KDM4C: variants seen among roughly 807,000 people sequenced by gnomAD.
KDM4C encodes lysine-specific demethylase 4C.
In KDM4C, 81 loss-of-function variants were observed where a neutral mutation model predicts 129.3. That is an observed-to-expected ratio of 0.63 (90% CI 0.52 to 0.75). The LOEUF is 0.75. Among genes scored for constraint, KDM4C ranks in the 30% least tolerant of loss-of-function variants. The pLI is 0.00. For synonymous variants in KDM4C, 573 were observed against 456.1 expected (o/e 1.26, Z -3.26); for missense variants, 1,457 against 1,304.0 (o/e 1.12, Z -1.81).
At chr9:6,895,651 G>A (rs1221841709) in intron 8 of KDM4C, among the ~76,000 whole-genome samples, 1 of 152,136 alleles carries the variant, frequency 6.6e-6, no homozygotes, top group African/African-American at 2.4e-5. Flanking sequence ...CCTATAACTA[G>A]CACTTTGGGA....
intron 18 of KDM4C, chr9:7,105,369 ACATGGTATCC>A: frequency 2.2e-6 from 1 of 456,646 alleles, no homozygotes; most frequent in South Asian, 1.6e-5. Flanking sequence ...CATCTATAAA[ACATGGTATCC>A]CACCTCACCA....
intron 19 of KDM4C, among the ~76,000 whole-genome samples, chr9:7,138,629 A>C (rs1841446200): frequency 6.6e-6 from 1 of 152,096 alleles, no homozygotes. Flanking sequence ...AGCCTGGGCA[A>C]CATAGAAAGA....
intron 8 of KDM4C, among the ~76,000 whole-genome samples, chr9:6,962,689 C>A (rs1830230598): frequency 2.6e-5 from 4 of 152,128 alleles, no homozygotes; most frequent in Admixed American, 2.0e-4. Flanking sequence ...ATGACTGTCA[C>A]AACCCTGACT....
chr9:6,984,496 A>C, intron 10 of KDM4C, 92 bp downstream of exon 10: 1 of 797,704 alleles, frequency 1.3e-6, no homozygotes, highest in South Asian at 1.6e-5. Context: ...CAAGTATCTG[A>C]CTAGTCCACA....
chr9:6,847,596 T>C (rs1477931063), intron 4 of KDM4C, among the ~76,000 whole-genome samples: 1 of 152,150 alleles, frequency 6.6e-6, no homozygotes, highest in African/African-American at 2.4e-5. Flanking sequence ...TTCACCGTGT[T>C]AGCCAGGATG....
chr9:6,924,778 A>G (rs1822174280), intron 8 of KDM4C: 1 of 982,538 alleles, frequency 1.0e-6, no homozygotes, highest in Non-Finnish European at 1.2e-6. Context: ...GTTTAAAGTT[A>G]TTTTCCCTGT....
chr9:6,966,123 A>C (rs1443533671), intron 8 of KDM4C, among the ~76,000 whole-genome samples: 1 of 152,232 alleles, frequency 6.6e-6, no homozygotes, highest in Non-Finnish European at 1.5e-5. Flanking sequence ...ATACCATACT[A>C]AATGGTGAAA....
upstream of KDM4C, among the ~76,000 whole-genome samples, chr9:6,752,873 G>C (rs887191289): frequency 6.6e-6 from 1 of 152,106 alleles, no homozygotes; most frequent in Non-Finnish European, 1.5e-5. Flanking sequence ...TATCTTTTAA[G>C]TTCATGCCTG....
At chr9:6,882,623 G>A (rs921309380) in intron 6 of KDM4C, among the ~76,000 whole-genome samples, 35 of 152,322 alleles carry the variant, frequency 2.3e-4, no homozygotes, top group South Asian at 1.7e-3. Flanking sequence ...AAAGGACAGT[G>A]TAGTGGAAGT....
chr9:6,734,288 GTTTT>G (rs57329090), intron 1 of KDM4C, among the ~76,000 whole-genome samples: 10 of 110,294 alleles, frequency 9.1e-5, no homozygotes, highest in South Asian at 3.1e-4. Flanking sequence ...CCCATGTTTG[GTTTT>G]TTTTTTTTTT....
upstream of KDM4C, among the ~76,000 whole-genome samples, chr9:6,756,390 A>G (rs938048108): frequency 6.6e-6 from 1 of 152,198 alleles, no homozygotes; most frequent in Non-Finnish European, 1.5e-5. Flanking sequence ...CACATTTGGA[A>G]AATTCCCAGT....
chr9:6,866,591 A>G (rs980815692), intron 5 of KDM4C, among the ~76,000 whole-genome samples: 9 of 151,942 alleles, frequency 5.9e-5, no homozygotes, highest in African/African-American at 2.2e-4. Context: ...CTTGAGGGAT[A>G]TTTCTTTCTT....
intron 17 of KDM4C, among the ~76,000 whole-genome samples, chr9:7,096,585 T>A (rs1358966613): frequency 2.0e-5 from 3 of 152,166 alleles, no homozygotes; most frequent in African/African-American, 7.2e-5. Context: ...TACTACATAT[T>A]CCCTACCTGG....
chr9:6,960,175 C>G (rs1829786254), intron 8 of KDM4C, among the ~76,000 whole-genome samples: 1 of 152,108 alleles, frequency 6.6e-6, no homozygotes, highest in Non-Finnish European at 1.5e-5. Context: ...CAGGGCAGAA[C>G]TGCTGCAGTC....
intron 8 of KDM4C, among the ~76,000 whole-genome samples, chr9:6,979,843 G>A (rs1234983547): frequency 1.3e-5 from 2 of 152,162 alleles, no homozygotes; most frequent in Non-Finnish European, 2.9e-5. Context: ...GGAGTGTCTA[G>A]GAATGTGGAC....
At chr9:7,038,315 C>G (rs16925172) in intron 15 of KDM4C, among the ~76,000 whole-genome samples, 7,702 of 152,010 alleles carry the variant, frequency 0.051, 217 homozygotes, top group South Asian at 0.097. Context: ...TCATTTTTTA[C>G]AGAAAACTAC....
intron 8 of KDM4C, among the ~76,000 whole-genome samples, chr9:6,942,030 A>T (rs1383443109): frequency 6.6e-6 from 1 of 152,208 alleles, no homozygotes; most frequent in East Asian, 1.9e-4. Flanking sequence ...AAACTCTTTT[A>T]AAAAGGGCTC....
intron 1 of KDM4C, among the ~76,000 whole-genome samples, chr9:6,767,227 C>T (rs1820806150): frequency 1.3e-5 from 2 of 152,004 alleles, no homozygotes; most frequent in Non-Finnish European, 2.9e-5. Flanking sequence ...CAAGCTCCGC[C>T]TCCTGGGTTC....
chr9:7,020,657 A>G (rs1420607325), intron 15 of KDM4C, among the ~76,000 whole-genome samples: 1 of 152,070 alleles, frequency 6.6e-6, no homozygotes. Context: ...ACTACTTTTT[A>G]AAAAATATTT....
Sources: allele counts gnomAD v4.1 joint callset (sites outside exome capture counted in the v4.1 genomes callset), GRCh38; gene constraint gnomAD v4.1.1; transcripts MANE v1.5; gene names NCBI Gene and HGNC (gene_info 2026-07-23, HGNC 2026-07-21).